Variants in RARB observed in about 807,000 individuals in gnomAD.
The protein encoded by RARB is HBV-activated protein.
RARB carries 17 observed loss-of-function variants against 51.9 expected under a neutral mutation model. The observed-to-expected ratio is 0.33, with a 90% CI of 0.22 to 0.49. RARB has a LOEUF of 0.49. Among genes scored for constraint, RARB ranks in the 20% least tolerant of loss-of-function variants. The pLI is 0.99. For synonymous variants in RARB, 215 were observed against 195.4 expected (o/e 1.10, Z -0.84); for missense variants, 369 against 550.8 (o/e 0.67, Z 3.30).
chr3:25,075,121 AAC>A (rs1252955654), intron 3 of RARB, among the ~76,000 whole-genome samples: 1 of 152,240 alleles, frequency 6.6e-6, no homozygotes, highest in African/African-American at 2.4e-5. Context: ...GAGAATATGT[AAC>A]ACAGTCTAAG....
At chr3:25,227,267 TATATA>T (rs1429739642) in intron 5 of RARB, among the ~76,000 whole-genome samples, 7 of 152,158 alleles carry the variant, frequency 4.6e-5, no homozygotes, top group African/African-American at 1.4e-4. Flanking sequence ...AAGAATATGT[TATATA>T]ATAAAATAAA....
chr3:24,900,051 T>G (rs1031049723), intron 2 of RARB, among the ~76,000 whole-genome samples: 2 of 152,256 alleles, frequency 1.3e-5, no homozygotes, highest in South Asian at 2.1e-4. Flanking sequence ...CAGTCTTGAT[T>G]GATGTTATAA....
intron 2 of RARB, among the ~76,000 whole-genome samples, chr3:25,047,870 G>C (rs1698249106): frequency 6.6e-6 from 1 of 152,120 alleles, no homozygotes; most frequent in South Asian, 2.1e-4. Flanking sequence ...CTCACACCTT[G>C]AATTGTAATA....
intron 5 of RARB, among the ~76,000 whole-genome samples, chr3:25,223,599 G>A (rs1701993879): frequency 1.3e-5 from 2 of 152,030 alleles, no homozygotes; most frequent in Admixed American, 1.3e-4. Context: ...GCACTTACTA[G>A]GTGCTTAATA....
At chr3:24,980,595 A>T (rs1435507836) in intron 2 of RARB, among the ~76,000 whole-genome samples, 2 of 151,926 alleles carry the variant, frequency 1.3e-5, no homozygotes, top group East Asian at 3.9e-4. Context: ...CAGTTCTCAT[A>T]CTGTGGTTTT....
At chr3:24,992,861 C>T (rs185026035) in intron 2 of RARB, among the ~76,000 whole-genome samples, 2 of 149,698 alleles carry the variant, frequency 1.3e-5, no homozygotes, top group East Asian at 3.9e-4. Context: ...GGGATTAGGA[C>T]TTCAACATAC....
intron 5 of RARB, among the ~76,000 whole-genome samples, chr3:25,232,607 A>T (rs1702204930): frequency 6.6e-6 from 1 of 152,130 alleles, no homozygotes; most frequent in African/African-American, 2.4e-5. Flanking sequence ...ATTTATGTCT[A>T]AGTATCAATG....
At chr3:25,086,172 C>G (rs886888393) in intron 3 of RARB, among the ~76,000 whole-genome samples, 2 of 152,162 alleles carry the variant, frequency 1.3e-5, no homozygotes, top group Non-Finnish European at 2.9e-5. Flanking sequence ...CACTCATATT[C>G]TGGTTATAGG....
rs189275519 is a variant in RARB at position 25,524,157 on chromosome 3, C to T, written c.448+22834C>T. Among the ~76,000 whole-genome samples, 250 of 152,306 alleles carry T rather than the reference C, an allele frequency of 1.6e-3. 2 individuals carry two copies. Among genetic ancestry groups the T allele is most frequent in the African/African-American group, 5.7e-3 (238 of 41,564 alleles). ...TTGAAATCAGAACTGCTACCTTTCCCTCCACACAATGTGTGGCTGATAACA... is the reference window on the plus strand; with the variant it reads ...TTGAAATCAGAACTGCTACCTTTCCTTCCACACAATGTGTGGCTGATAACA... On this transcript the variant is annotated intron_variant, in intron 3 of 7. Coordinates refer to ENST00000330688, the MANE Select transcript of RARB (RefSeq NM_000965.5).
At chr3:25,436,271 C>A (rs571627956) in intron 1 of RARB, among the ~76,000 whole-genome samples, 1 of 152,204 alleles carries the variant, frequency 6.6e-6, no homozygotes, top group African/African-American at 2.4e-5. Flanking sequence ...ATATGAAAAC[C>A]CATTTCACAT....
At chr3:25,422,612 T>C (rs940783552) in intron 5 of RARB, among the ~76,000 whole-genome samples, 1 of 151,948 alleles carries the variant, frequency 6.6e-6, no homozygotes, top group Admixed American at 6.6e-5. Context: ...CTCCTTCTTA[T>C]GGAAGGAAAT....
At chr3:24,840,014 T>C (rs1702399813) in intron 1 of RARB, among the ~76,000 whole-genome samples, 1 of 152,134 alleles carries the variant, frequency 6.6e-6, no homozygotes, top group South Asian at 2.1e-4. Flanking sequence ...TAATGAGACT[T>C]TGAGTTAGGG....
chr3:24,945,222 A>G (rs1192495242), intron 2 of RARB, among the ~76,000 whole-genome samples: 1 of 152,110 alleles, frequency 6.6e-6, no homozygotes, highest in Non-Finnish European at 1.5e-5. Flanking sequence ...TTGCAATTTC[A>G]TATTTGTGTA....
At chr3:25,525,464 A>AC (rs35615296) in intron 3 of RARB, among the ~76,000 whole-genome samples, 4 of 151,764 alleles carry the variant, frequency 2.6e-5, no homozygotes, top group Admixed American at 2.0e-4. Context: ...GTCTTCATAG[A>AC]CCCCCCTCAG....
At chr3:25,479,547 G>A (rs1481971258) in intron 2 of RARB, among the ~76,000 whole-genome samples, 1 of 152,194 alleles carries the variant, frequency 6.6e-6, no homozygotes, top group Non-Finnish European at 1.5e-5. Context: ...ATAAGTACAT[G>A]TGATGACTTT....
chr3:25,441,279 C>T (rs546827632), intron 1 of RARB: 2 of 404,854 alleles, frequency 4.9e-6, no homozygotes, highest in Non-Finnish European at 9.5e-6. Flanking sequence ...AGTAGCTGCG[C>T]TCTGGAAGCT....
chr3:24,912,299 C>T lies in RARB; in HGVS notation c.-380+53547C>T, dbSNP rs190564008. ...ATCTGATCTCGGGTAAGTTAGGGAA[C>T]ATTTCTGTACCTCCATTTGTTCTAC... On this transcript the variant is annotated intron_variant, in intron 2 of 11. Transcript: ENST00000383772. Among the ~76,000 whole-genome samples the T allele has an allele frequency of 2.0e-3, 312 of 152,296 alleles. 1 individual carries two copies. The highest frequency in any genetic ancestry group is 7.2e-3 in the African/African-American group (298 of 41,562).
Position 25,363,860 on chromosome 3 carries a change from T to C in RARB, c.179-97333T>C, listed in dbSNP as rs372893433. 5.3e-5 allele frequency among the ~76,000 whole-genome samples: 8 copies of C among 152,328 alleles called. No homozygotes were observed. In the East Asian group the frequency reaches 1.4e-3, roughly 26 times the overall value. ...TTTCTCTGACTTGGCTCCAGCCACATTGGCCGCCTTTGCTGTTCCTCTTAC... is the reference window on the plus strand; with the variant it reads ...TTTCTCTGACTTGGCTCCAGCCACACTGGCCGCCTTTGCTGTTCCTCTTAC... On this transcript the variant is annotated intron_variant, in intron 5 of 11. Transcript: ENST00000383772.
intron 5 of RARB, among the ~76,000 whole-genome samples, chr3:25,389,581 T>C (rs1406887483): frequency 2.6e-5 from 4 of 152,316 alleles, no homozygotes; most frequent in South Asian, 4.2e-4. Flanking sequence ...ATAGTACTTA[T>C]AAGAGTAGAG....
Sources: allele counts gnomAD v4.1 joint callset (sites outside exome capture counted in the v4.1 genomes callset), GRCh38; gene constraint gnomAD v4.1.1; transcripts MANE v1.5; gene names NCBI Gene and HGNC (gene_info 2026-07-23, HGNC 2026-07-21).